Variants in MAGI2 observed in about 807,000 individuals in gnomAD.
MAGI2 encodes the protein membrane-associated guanylate kinase, WW and PDZ domain-containing protein 2.
MAGI2 carries 35 observed loss-of-function variants against 133.3 expected under a neutral mutation model. The observed-to-expected ratio is 0.26, with a 90% CI of 0.20 to 0.35. MAGI2 has a LOEUF of 0.35. Ranked by LOEUF, MAGI2 falls within the 10% of genes least tolerant of loss-of-function variation. The probability of loss-of-function intolerance (pLI) is 1.00; values close to 1 mark genes in which losing one functional copy is unlikely to be tolerated. For synonymous variants in MAGI2, 729 were observed against 710.6 expected (o/e 1.03, Z -0.41); for missense variants, 1,636 against 1,863.4 (o/e 0.88, Z 2.25).
At chr7:79,189,603 T>C (rs375949852) in intron 1 of MAGI2, among the ~76,000 whole-genome samples, 1 of 151,824 alleles carries the variant, frequency 6.6e-6, no homozygotes, top group African/African-American at 2.4e-5. Context: ...TTTGTTATAA[T>C]TGATGAACCA....
At chr7:79,187,173 A>C (rs1212115159) in intron 1 of MAGI2, among the ~76,000 whole-genome samples, 1 of 151,696 alleles carries the variant, frequency 6.6e-6, no homozygotes. Context: ...ATAATGAATA[A>C]AACATTATGA....
intron 3 of MAGI2, among the ~76,000 whole-genome samples, chr7:78,534,094 G>A (rs1043039093): frequency 6.6e-6 from 1 of 152,192 alleles, no homozygotes; most frequent in African/African-American, 2.4e-5. Context: ...GAACAATGGT[G>A]AATGACATAA....
intron 1 of MAGI2, among the ~76,000 whole-genome samples, chr7:79,105,489 A>T (rs1173522009): frequency 6.6e-6 from 1 of 152,152 alleles, no homozygotes; most frequent in Non-Finnish European, 1.5e-5. Context: ...ACAAATTCAC[A>T]TCTGGTCAAA....
At chr7:78,458,674 A>G (rs1178759874) in intron 6 of MAGI2, among the ~76,000 whole-genome samples, 5 of 147,032 alleles carry the variant, frequency 3.4e-5, no homozygotes, top group Non-Finnish European at 7.4e-5. Context: ...TCACTCTGTT[A>G]CCCAGGCTGG....
At chr7:78,529,413 C>T (rs1016852020) in intron 3 of MAGI2, among the ~76,000 whole-genome samples, 6 of 152,010 alleles carry the variant, frequency 3.9e-5, no homozygotes, top group Non-Finnish European at 5.9e-5. Context: ...AGATAGCAGA[C>T]GGAAAGAAAT....
intron 9 of MAGI2, among the ~76,000 whole-genome samples, chr7:78,298,248 T>C (rs1384498830): frequency 6.6e-6 from 1 of 152,158 alleles, no homozygotes; most frequent in East Asian, 1.9e-4. Context: ...AAAACTGTCA[T>C]GGCCATGAGG....
chr7:78,844,311 C>A (rs1584118955), intron 2 of MAGI2, among the ~76,000 whole-genome samples: 1 of 151,172 alleles, frequency 6.6e-6, no homozygotes. Context: ...AGGTATATAC[C>A]CAAGAAAAAT....
chr7:78,322,800 G>C (rs1788144607), intron 9 of MAGI2, among the ~76,000 whole-genome samples: 1 of 152,050 alleles, frequency 6.6e-6, no homozygotes, highest in South Asian at 2.1e-4. Context: ...TGATGAAAAT[G>C]TGTTGTTAAA....
intron 4 of MAGI2, among the ~76,000 whole-genome samples, chr7:78,517,252 G>A (rs1438920915): frequency 5.3e-5 from 8 of 151,776 alleles, no homozygotes; most frequent in East Asian, 3.9e-4. Flanking sequence ...AGGATACATC[G>A]TACTTGTCAT....
rs551033615 is a variant in MAGI2 at position 78,499,353 on chromosome 7, T to C, written c.965+2224A>G. On this transcript the variant is annotated intron_variant, in intron 5 of 21. Transcript: ENST00000354212. The stretch of plus-strand genomic sequence containing the variant: ...AATCTATTGTAAGCTTTGGCTTCCC[T>C]GAATAGTATCACAAAATTCAGAAAT... 3.7e-4 allele frequency among the ~76,000 whole-genome samples: 56 copies of C among 152,334 alleles called. 2 individuals are homozygous for C. Among genetic ancestry groups the C allele is most frequent in the African/African-American group, 1.2e-3 (49 of 41,586 alleles).
At chr7:79,441,434 A>G (rs1172230793) in intron 1 of MAGI2, among the ~76,000 whole-genome samples, 1 of 152,204 alleles carries the variant, frequency 6.6e-6, no homozygotes, top group Non-Finnish European at 1.5e-5. Flanking sequence ...TAATTTTAAA[A>G]GGGAGATTTG....
At chr7:78,491,870 A>ATT (rs1278020254) in intron 5 of MAGI2, among the ~76,000 whole-genome samples, 1 of 96,248 alleles carries the variant, frequency 1.0e-5, no homozygotes, top group African/African-American at 4.6e-5. Flanking sequence ...CTCCGTTCAA[A>ATT]TTGTGTGTGT....
At chr7:78,832,226 G>C (rs1023913059) in intron 2 of MAGI2, among the ~76,000 whole-genome samples, 32 of 151,560 alleles carry the variant, frequency 2.1e-4, no homozygotes, top group Admixed American at 1.1e-3. Flanking sequence ...AGAATTGGTA[G>C]TTAAAATGTA....
chr7:79,122,220 C>A (rs10256098), intron 1 of MAGI2, among the ~76,000 whole-genome samples: 2,752 of 152,202 alleles, frequency 0.018, 94 homozygotes, highest in African/African-American at 0.063. Flanking sequence ...GATACGTCTT[C>A]CTTTAAGTTT....
chr7:78,734,721 G>A (rs575874048), intron 2 of MAGI2, among the ~76,000 whole-genome samples: 1 of 152,238 alleles, frequency 6.6e-6, no homozygotes, highest in East Asian at 1.9e-4. Context: ...GCCCAGACTA[G>A]ACTGTTGGTC....
At chr7:78,367,093 G>A (rs1008823601) in intron 7 of MAGI2, among the ~76,000 whole-genome samples, 3 of 45,586 alleles carry the variant, frequency 6.6e-5, no homozygotes, top group Non-Finnish European at 1.3e-4. Context: ...GAAGTATAAT[G>A]TAGGCAAACA....
chr7:78,833,915 G>A (rs1386336336), intron 2 of MAGI2, among the ~76,000 whole-genome samples: 2 of 152,244 alleles, frequency 1.3e-5, no homozygotes, highest in African/African-American at 4.8e-5. Context: ...ATAATGGTTA[G>A]AATAGAAAAC....
chr7:78,772,795 T>C (rs1191611874), intron 2 of MAGI2, among the ~76,000 whole-genome samples: 1 of 152,158 alleles, frequency 6.6e-6, no homozygotes, highest in Non-Finnish European at 1.5e-5. Context: ...CATTGGACAA[T>C]AAAAAAATCT....
chr7:79,045,588 C>T (rs76969629), intron 1 of MAGI2, among the ~76,000 whole-genome samples: 5,200 of 152,100 alleles, frequency 0.034, 171 homozygotes, highest in East Asian at 0.16. Flanking sequence ...GTCAGGAGAT[C>T]GAGACCATCC....
Sources: allele counts gnomAD v4.1 joint callset (sites outside exome capture counted in the v4.1 genomes callset), GRCh38; gene constraint gnomAD v4.1.1; transcripts MANE v1.5; gene names NCBI Gene and HGNC (gene_info 2026-07-23, HGNC 2026-07-21).